Variants in PHLPP1 observed in about 807,000 individuals in gnomAD.
PHLPP1 encodes PH domain leucine-rich repeat-containing protein phosphatase 1.
A neutral mutation model predicts 117.2 loss-of-function variants in PHLPP1; 42 were observed. That is an observed-to-expected ratio of 0.36 (90% CI 0.28 to 0.46). PHLPP1 has a LOEUF of 0.46. Ranked by LOEUF, PHLPP1 falls within the 20% of genes least tolerant of loss-of-function variation. PHLPP1 has a pLI of 1.00. For synonymous variants in PHLPP1, 1,042 were observed against 970.7 expected, an observed-to-expected ratio of 1.07 and a Z score of -1.37; for missense variants, 2,084 against 2,241.9, an observed-to-expected ratio of 0.93 and a Z score of 1.42.
chr18:62,825,978 C>A (rs1419528805), intron 1 of PHLPP1, among the ~76,000 whole-genome samples: 1 of 152,052 alleles, frequency 6.6e-6, no homozygotes, highest in Non-Finnish European at 1.5e-5. Context: ...AGAATAAATT[C>A]GGCTATAGGA....
At chr18:62,976,456 CAA>C (rs1222013602) in intron 16 of PHLPP1, among the ~76,000 whole-genome samples, 4 of 152,218 alleles carry the variant, frequency 2.6e-5, no homozygotes, top group Non-Finnish European at 5.9e-5. Flanking sequence ...GCACAGAAAA[CAA>C]GAGAAGTCTG....
chr18:62,957,950 C>T (rs1043050419), intron 12 of PHLPP1, among the ~76,000 whole-genome samples: 12 of 152,168 alleles, frequency 7.9e-5, no homozygotes, highest in African/African-American at 2.4e-4. Context: ...TCAGGTGATA[C>T]GCCTGCCTCT....
At chr18:62,812,771 G>A (rs1434495628) in intron 1 of PHLPP1, among the ~76,000 whole-genome samples, 3 of 151,812 alleles carry the variant, frequency 2.0e-5, no homozygotes, top group South Asian at 2.1e-4. Flanking sequence ...CTGGGAAGGC[G>A]GTGATTAAAA....
intron 14 of PHLPP1, among the ~76,000 whole-genome samples, chr18:62,964,987 TG>T (rs1276780786): frequency 2.0e-5 from 3 of 152,166 alleles, no homozygotes; most frequent in Non-Finnish European, 4.4e-5. Flanking sequence ...TGCAACCCTT[TG>T]AATTCTTGCA....
At chr18:62,924,676 G>GGAA (rs1568163317) in intron 10 of PHLPP1, among the ~76,000 whole-genome samples, 1 of 93,610 alleles carries the variant, frequency 1.1e-5, no homozygotes, top group Non-Finnish European at 2.0e-5. Flanking sequence ...ACTACAAATT[G>GGAA]AAAAAAAAAA....
chr18:62,716,234 CGCTGCA>C lies in PHLPP1; in HGVS notation c.560_565del (p.Leu187_Gln188del), dbSNP rs748657254. 6.5e-7 allele frequency: 1 copy of C among 1,528,850 alleles called. No individual in the cohort carries two copies. Among genetic ancestry groups the C allele is most frequent in the Non-Finnish European group, 8.7e-7 (1 of 1,143,932 alleles). The allele number at this position is 1,528,850 out of a possible 1,614,324, so 94.7% of individuals were successfully genotyped here. On this transcript the variant is annotated inframe_deletion, in exon 1 of 17. Transcript: ENST00000262719. This position sits in a 1 kb window ranked among gnomAD's most constrained non-coding sequence, Gnocchi z 5.7. ...ACGCTGCTTCTGAAGCACCGGCAGA[CGCTGCA>C]GCTGCAGCCGTCGGACCGGGACTGG...
chr18:62,838,925 A>G lies in PHLPP1; in HGVS notation c.1899+16A>G, dbSNP rs763854874. On this transcript the variant is annotated intron_variant, in intron 3 of 16. Transcript: ENST00000262719. ...AGTCTCCAAGGTAAGCAAGCACTTAATCCAGGAATCCACTCAGCTTCTAGC... is the reference window on the plus strand; with the variant it reads ...AGTCTCCAAGGTAAGCAAGCACTTAGTCCAGGAATCCACTCAGCTTCTAGC... The G allele has an allele frequency of 8.7e-6, 14 of 1,613,312 alleles. No homozygotes were observed. In the African/African-American group the frequency reaches 1.7e-4, roughly 20 times the overall value.
intron 1 of PHLPP1, among the ~76,000 whole-genome samples, chr18:62,762,390 G>A (rs1465523689): frequency 7.1e-6 from 1 of 140,028 alleles, no homozygotes; most frequent in Non-Finnish European, 1.6e-5. Context: ...AATTACTTCT[G>A]TTTTCTTGAT....
chr18:62,760,151 T>A (rs1912168777), intron 1 of PHLPP1, among the ~76,000 whole-genome samples: 2 of 152,222 alleles, frequency 1.3e-5, no homozygotes, highest in Admixed American at 6.5e-5. Context: ...GTTTAATTTT[T>A]AAAAATTAAT....
chr18:62,830,257 T>C, intron 2 of PHLPP1, 26 bp downstream of exon 2: 1 of 1,537,626 alleles, frequency 6.5e-7, no homozygotes, highest in Non-Finnish European at 8.8e-7. Context: ...TGTTTGTTTA[T>C]TGAGTCAGAG....
Position 62,717,008 on chromosome 18 carries a change from C to T in PHLPP1, c.1325C>T (p.Ala442Val). 1 of 1,543,884 alleles carries T rather than the reference C, an allele frequency of 6.5e-7. No individual in the cohort carries two copies. Among genetic ancestry groups the T allele is most frequent in the South Asian group, 1.2e-5 (1 of 83,860 alleles). The change falls in exon 1 of 17, where the codon GCC (alanine) becomes GTC (valine). Residue 442 changes from alanine (A) to valine (V), a missense_variant. Physicochemically the swap from Ala to Val is moderately conservative, Grantham distance 64. Coordinates refer to ENST00000262719, the MANE Select transcript of PHLPP1 (RefSeq NM_194449.4). ...TCGTGCGAGGAGAAGGCAGCGGCAG[C>T]CGTGGCCCCGGGAGGCCTCCAGTCT... ...EGSCEEKAAAAVAPGGLQSTP... is the reference protein window; with the variant it reads ...EGSCEEKAAAVVAPGGLQSTP...
At chr18:62,803,335 C>T (rs1568122061) in intron 1 of PHLPP1, among the ~76,000 whole-genome samples, 1 of 152,124 alleles carries the variant, frequency 6.6e-6, no homozygotes, top group Non-Finnish European at 1.5e-5. Context: ...GCTCAAAATA[C>T]TGTCAGCATC....
At chr18:62,866,105 A>G (rs769280022) in intron 4 of PHLPP1, among the ~76,000 whole-genome samples, 13 of 152,198 alleles carry the variant, frequency 8.5e-5, no homozygotes, top group Non-Finnish European at 1.5e-4. Flanking sequence ...GTTAACTGCC[A>G]AATTCAGTTT....
In PHLPP1 at chr18:62,817,158, G is replaced by A. The variant is rs1024410543; in HGVS notation, c.1577-12877G>A. 3.9e-5 allele frequency among the ~76,000 whole-genome samples: 6 copies of A among 152,094 alleles called. No individual in the cohort carries two copies. In the East Asian group the frequency reaches 1.2e-3, roughly 29 times the overall value. ...GACGTCTCACTGTGTTTCCCAGGCTGGTCTGAAATTCCTGGATGCAAGCAA... is the reference window on the plus strand; with the variant it reads ...GACGTCTCACTGTGTTTCCCAGGCTAGTCTGAAATTCCTGGATGCAAGCAA... On this transcript the variant is annotated intron_variant, in intron 1 of 16. Coordinates refer to ENST00000262719, the MANE Select transcript of PHLPP1 (RefSeq NM_194449.4).
intron 11 of PHLPP1, 63 bp downstream of exon 11, chr18:62,941,981 T>G (rs1458962674): frequency 1.0e-5 from 13 of 1,299,994 alleles, no homozygotes; most frequent in Non-Finnish European, 1.3e-5. Context: ...CATAGAAAGG[T>G]GAAGGCTGAA....
intron 14 of PHLPP1, 122 bp downstream of exon 14, chr18:62,963,594 G>A (rs1196382690): frequency 7.6e-6 from 5 of 654,346 alleles, no homozygotes; most frequent in African/African-American, 1.8e-5. Context: ...TTTGAGTATT[G>A]CAAGTTTCCC....
At chr18:62,905,894 T>C (rs1964452702) in intron 8 of PHLPP1, among the ~76,000 whole-genome samples, 1 of 152,214 alleles carries the variant, frequency 6.6e-6, no homozygotes, top group Non-Finnish European at 1.5e-5. Flanking sequence ...CCACAAATAT[T>C]ATAGTAGACT....
In PHLPP1 at chr18:62,978,718, C is replaced by T. The variant is rs1344821196; in HGVS notation, c.4441C>T (p.Leu1481Phe). ...SGMASEISSELSTSEMSSEVG... is the reference protein window; with the variant it reads ...SGMASEISSEFSTSEMSSEVG... Reference sequence around the variant, plus strand: ...CATGGCTTCCGAGATTAGCAGTGAGCTCTCCACTTCTGAGATGAGCAGCGA... The same window carrying T: ...CATGGCTTCCGAGATTAGCAGTGAGTTCTCCACTTCTGAGATGAGCAGCGA... The change falls in exon 17 of 17, where the codon CTC becomes TTC. Residue 1481 changes from leucine (L) to phenylalanine (F), a missense_variant. Transcript: ENST00000262719. This position sits in a 1 kb window ranked among gnomAD's most constrained non-coding sequence, Gnocchi z 7.0. The T allele has an allele frequency of 3.7e-6, 6 of 1,613,700 alleles. No individual in the cohort carries two copies. The African/African-American group carries it at 6.7e-5, about 18-fold the overall frequency.
chr18:62,826,143 C>A, intron 1 of PHLPP1: 1 of 297,804 alleles, frequency 3.4e-6, no homozygotes, highest in Non-Finnish European at 6.7e-6. Flanking sequence ...GATGTCTGTG[C>A]ATATTTATTT....
Sources: gnomAD v4.1 joint callset for allele counts (sites outside exome capture counted in the v4.1 genomes callset) on GRCh38, gnomAD v4.1.1 for gene constraint, Gnocchi (gnomAD v3.1) non-coding constraint, MANE v1.5 for transcripts, NCBI Gene and HGNC (gene_info 2026-07-23, HGNC 2026-07-21) for gene names.